Variants in LRMDA observed in about 807,000 individuals in gnomAD.
LRMDA encodes leucine rich melanocyte differentiation associated.
In LRMDA, 18 loss-of-function variants were observed where a neutral mutation model predicts 29.8. That is an observed-to-expected ratio of 0.60 (90% CI 0.42 to 0.90). LRMDA has a LOEUF of 0.90. Ranked by LOEUF, LRMDA falls within the 40% of genes least tolerant of loss-of-function variation. The pLI is 0.00. For synonymous variants in LRMDA, 125 were observed against 109.4 expected, an observed-to-expected ratio of 1.14 and a Z score of -0.89; for missense variants, 273 against 273.9, an observed-to-expected ratio of 1.00 and a Z score of 0.02.
chr10:75,940,667 A>G (rs988598848), intron 2 of LRMDA, among the ~76,000 whole-genome samples: 1 of 152,052 alleles, frequency 6.6e-6, no homozygotes, highest in African/African-American at 2.4e-5. Context: ...TACCTATAAT[A>G]TCTTATCCCT....
At chr10:76,169,952 C>T (rs1564673824) in intron 5 of LRMDA, among the ~76,000 whole-genome samples, 1 of 152,112 alleles carries the variant, frequency 6.6e-6, no homozygotes, top group African/African-American at 2.4e-5. Context: ...AGGGTATGGC[C>T]TTACCCTTGG....
chr10:76,057,958 A>G (rs1483464139), intron 4 of LRMDA, among the ~76,000 whole-genome samples: 3 of 152,224 alleles, frequency 2.0e-5, no homozygotes, highest in Non-Finnish European at 2.9e-5. Context: ...AGTTAATTAC[A>G]CTAGCAGCCA....
At chr10:75,927,561 C>A (rs371122764) in intron 2 of LRMDA, among the ~76,000 whole-genome samples, 1 of 152,132 alleles carries the variant, frequency 6.6e-6, no homozygotes, top group African/African-American at 2.4e-5. Context: ...TTTCAGGTAG[C>A]CCTGAGTCCA....
chr10:76,197,637 G>T (rs977811290), intron 5 of LRMDA, among the ~76,000 whole-genome samples: 1 of 152,120 alleles, frequency 6.6e-6, no homozygotes, highest in African/African-American at 2.4e-5. Flanking sequence ...TGTTAGTAGT[G>T]GCCGGGTGCA....
rs201499322 is a variant in LRMDA, at chr10:76,007,011, TGTGTGTGTGTGTGTGTGTGTGC to T, written c.132-28995_132-28974del. On this transcript the variant is annotated intron_variant, in intron 2 of 6. Coordinates refer to ENST00000611255, the MANE Select transcript of LRMDA (RefSeq NM_001305581.2). The stretch of plus-strand genomic sequence containing the variant: ...GTGTGTGTGTGTGTGTGTGTGTGTG[TGTGTGTGTGTGTGTGTGTGTGC>T]GCGTGTGTGTTTATATATTTATTTT... Among the ~76,000 whole-genome samples, 668 of 109,046 alleles carry T rather than the reference TGTGTGTGTGTGTGTGTGTGTGC, an allele frequency of 6.1e-3. 34 individuals carry two copies. In the East Asian group the frequency reaches 0.12, roughly 20 times the overall value. 71.5% of individuals were successfully genotyped at this position (109,046 alleles called of 152,430 possible).
chr10:75,620,826 G>A (rs1564524470), intron 2 of LRMDA, among the ~76,000 whole-genome samples: 1 of 152,002 alleles, frequency 6.6e-6, no homozygotes, highest in South Asian at 2.1e-4. Flanking sequence ...TTTTGTTTTT[G>A]CTTTTTTAAT....
intron 6 of LRMDA, among the ~76,000 whole-genome samples, chr10:76,336,243 G>T (rs898516013): frequency 2.0e-5 from 3 of 151,200 alleles, no homozygotes; most frequent in African/African-American, 7.3e-5. Flanking sequence ...CTATGTCAGT[G>T]CTGGTTCAGC....
intron 2 of LRMDA, among the ~76,000 whole-genome samples, chr10:75,900,109 G>A (rs75977008): frequency 0.025 from 3,865 of 152,186 alleles, 155 homozygotes; most frequent in African/African-American, 0.085. Context: ...GAGTAAGAAT[G>A]GTATAATTAC....
intron 6 of LRMDA, among the ~76,000 whole-genome samples, chr10:76,365,667 T>A (rs937400576): frequency 1.3e-5 from 2 of 152,240 alleles, no homozygotes; most frequent in East Asian, 3.9e-4. Context: ...ATGTATAGAT[T>A]GTGAAGATTT....
At chr10:75,933,852 G>A (rs1368770040) in intron 2 of LRMDA, among the ~76,000 whole-genome samples, 1 of 152,170 alleles carries the variant, frequency 6.6e-6, no homozygotes, top group Non-Finnish European at 1.5e-5. Context: ...GCCTGTATAA[G>A]GGTTGTGGTT....
intron 6 of LRMDA, among the ~76,000 whole-genome samples, chr10:76,540,920 A>C (rs577984985): frequency 6.6e-5 from 10 of 152,312 alleles, no homozygotes; most frequent in African/African-American, 1.7e-4. Flanking sequence ...ACTTGTTTTA[A>C]ATGCTTGACA....
At chr10:76,124,295 G>A (rs1002008602) in intron 5 of LRMDA, among the ~76,000 whole-genome samples, 2 of 152,180 alleles carry the variant, frequency 1.3e-5, no homozygotes, top group Non-Finnish European at 2.9e-5. Context: ...ACAAGACAAC[G>A]AGGTCCCCCT....
rs367919950 is a variant in LRMDA, at chr10:75,957,393, G to A, written c.132-78615G>A. Among the ~76,000 whole-genome samples, 8 of 152,192 alleles carry A rather than the reference G, an allele frequency of 5.3e-5. No individual in the cohort carries two copies. In the East Asian group the frequency reaches 5.8e-4, roughly 11 times the overall value. On this transcript the variant is annotated intron_variant, in intron 2 of 6. Coordinates refer to ENST00000611255, the MANE Select transcript of LRMDA (RefSeq NM_001305581.2). ...TCTTTGTTACAGACAACAATGAAGG[G>A]TGCCTTTAAGAAATCTCCAGTGAGT...
intron 2 of LRMDA, among the ~76,000 whole-genome samples, chr10:75,910,871 G>T (rs1447083343): frequency 6.6e-6 from 1 of 152,140 alleles, no homozygotes; most frequent in Non-Finnish European, 1.5e-5. Flanking sequence ...TGCTTTCCAT[G>T]GGTTCTCTGT....
At chr10:75,551,793 C>T (rs1378061175) in intron 2 of LRMDA, among the ~76,000 whole-genome samples, 1 of 152,062 alleles carries the variant, frequency 6.6e-6, no homozygotes, top group African/African-American at 2.4e-5. Context: ...AATCCCAGCA[C>T]TTTGGGAGGC....
intron 2 of LRMDA, among the ~76,000 whole-genome samples, chr10:75,906,596 T>C (rs555142520): frequency 6.6e-6 from 1 of 152,348 alleles, no homozygotes; most frequent in African/African-American, 2.4e-5. Context: ...CCTGTCTTGT[T>C]TCCCTGTGTG....
chr10:76,511,059 C>A (rs769575925), intron 6 of LRMDA, among the ~76,000 whole-genome samples: 3 of 152,130 alleles, frequency 2.0e-5, no homozygotes, highest in Non-Finnish European at 4.4e-5. Flanking sequence ...CTATTTTTTG[C>A]TATTTGTCTT....
At chr10:75,883,238 T>G (rs148942805) in intron 2 of LRMDA, 1 of 152,420 alleles carries the variant, frequency 6.6e-6, no homozygotes, top group Non-Finnish European at 1.5e-5. Flanking sequence ...CTATGTTCCT[T>G]CCTCTTTTCC....
intron 2 of LRMDA, among the ~76,000 whole-genome samples, chr10:75,674,147 C>T (rs761711052): frequency 2.0e-5 from 3 of 152,032 alleles, no homozygotes; most frequent in Non-Finnish European, 2.9e-5. Context: ...TCTGCTTGTG[C>T]GTGTGTGTGC....
Sources: gnomAD v4.1 joint callset for allele counts (sites outside exome capture counted in the v4.1 genomes callset) on GRCh38, gnomAD v4.1.1 for gene constraint, MANE v1.5 for transcripts, NCBI Gene and HGNC (gene_info 2026-07-23, HGNC 2026-07-21) for gene names.